SLC7A14: variants seen among roughly 807,000 people sequenced by gnomAD.
The protein encoded by SLC7A14 is solute carrier family 7 member 14.
In SLC7A14, 37 loss-of-function variants were observed where a neutral mutation model predicts 60.2. The ratio of observed to expected loss-of-function variants is 0.61; its 90% CI spans 0.47 to 0.81. The LOEUF (loss-of-function observed/expected upper bound fraction) is 0.81, where lower values mean the gene tolerates loss of function less well. Ranked by LOEUF, SLC7A14 falls within the 30% of genes least tolerant of loss-of-function variation. The pLI, the probability that SLC7A14 is intolerant of heterozygous loss-of-function variation, is 0.00. For missense variants in SLC7A14, 886 were observed against 982.7 expected (o/e 0.90, Z 1.32); for synonymous variants, 399 against 395.8 (o/e 1.01, Z -0.10).
chr3:170,513,342 T>C (rs542707131), intron 2 of SLC7A14, among the ~76,000 whole-genome samples: 27 of 152,374 alleles, frequency 1.8e-4, no homozygotes, highest in Middle Eastern at 3.4e-3. Flanking sequence ...AAACTCATTA[T>C]ATTGGTTATT....
At chr3:170,522,806 A>G (rs1031780794) in intron 2 of SLC7A14, among the ~76,000 whole-genome samples, 2 of 152,334 alleles carry the variant, frequency 1.3e-5, no homozygotes, top group Middle Eastern at 3.4e-3. Context: ...TTATAACTCA[A>G]TAAAACTGAA....
At chr3:170,563,230 T>G (rs1318329734) in intron 1 of SLC7A14, among the ~76,000 whole-genome samples, 1 of 152,012 alleles carries the variant, frequency 6.6e-6, no homozygotes, top group African/African-American at 2.4e-5. Context: ...TTAAAAAAAG[T>G]CAATACAATA....
chr3:170,563,098 T>C (rs895333156), intron 1 of SLC7A14, among the ~76,000 whole-genome samples: 1 of 152,166 alleles, frequency 6.6e-6, no homozygotes, highest in Non-Finnish European at 1.5e-5. Context: ...CTCCCTTTAA[T>C]GGTTAATGTG....
intron 1 of SLC7A14, among the ~76,000 whole-genome samples, chr3:170,547,637 G>T (rs946572672): frequency 1.3e-5 from 2 of 152,102 alleles, no homozygotes; most frequent in African/African-American, 4.8e-5. Flanking sequence ...GGAGGAGGAG[G>T]AAGAGGAGGG....
At chr3:170,528,529 T>C (rs1713577195) in intron 1 of SLC7A14, among the ~76,000 whole-genome samples, 1 of 152,212 alleles carries the variant, frequency 6.6e-6, no homozygotes, top group Non-Finnish European at 1.5e-5. Context: ...AAGCACTTAA[T>C]GTAGCACTTG....
intron 4 of SLC7A14, among the ~76,000 whole-genome samples, chr3:170,493,596 G>A (rs922117464): frequency 2.0e-5 from 3 of 152,172 alleles, no homozygotes; most frequent in African/African-American, 4.8e-5. Flanking sequence ...ATCTGTTGAC[G>A]AGGCAACACA....
At chr3:170,553,595 C>T (rs151270043) in intron 1 of SLC7A14, among the ~76,000 whole-genome samples, 69 of 152,278 alleles carry the variant, frequency 4.5e-4, no homozygotes, top group Middle Eastern at 3.4e-3. Context: ...TCAAATATCC[C>T]ATGTGAGATG....
At chr3:170,550,090 G>T (rs570920658) in intron 1 of SLC7A14, among the ~76,000 whole-genome samples, 104 of 152,302 alleles carry the variant, frequency 6.8e-4, no homozygotes, top group African/African-American at 2.0e-3. Context: ...TAAGTCAGTG[G>T]TCCTCAATTC....
At position 170,563,426 on chromosome 3, in the gene SLC7A14, T is replaced by A. The variant is rs573226455; in HGVS notation, c.-153+22485A>T. ...CACTGTTTGTTTGTTTGTTTTTTTT[T>A]TTTTTTTTTGAGATGGAGTCTTACT... On this transcript the variant is annotated intron_variant, in intron 1 of 7. Coordinates refer to ENST00000231706, the MANE Select transcript of SLC7A14 (RefSeq NM_020949.3). Among the ~76,000 whole-genome samples, 1,066 of 149,360 alleles carry A rather than the reference T, an allele frequency of 7.1e-3. 16 individuals carry two copies. Among genetic ancestry groups the A allele is most frequent in the African/African-American group, 0.025 (1,006 of 40,904 alleles).
chr3:170,477,598 A>G (rs148230643), intron 7 of SLC7A14, among the ~76,000 whole-genome samples: 1,833 of 152,366 alleles, frequency 0.012, 18 homozygotes, highest in Non-Finnish European at 0.021. Context: ...ATCATACGGT[A>G]TCTGTACTAG....
Position 170,492,414 on chromosome 3 carries a change from A to C in SLC7A14, c.760-6046T>G, listed in dbSNP as rs912271736. Among the ~76,000 whole-genome samples the C allele has an allele frequency of 3.9e-5, 6 of 152,146 alleles. No homozygotes were observed. In the East Asian group the frequency reaches 1.2e-3, roughly 29 times the overall value. Reference sequence around the variant, plus strand: ...CAGTTACTTGGGAGGCTGAGGTGGGAAGATTACTTGAGCCTGGGAGGTTGA... The same window carrying C: ...CAGTTACTTGGGAGGCTGAGGTGGGCAGATTACTTGAGCCTGGGAGGTTGA... On this transcript the variant is annotated intron_variant, in intron 4 of 7. Coordinates refer to ENST00000231706, the MANE Select transcript of SLC7A14 (RefSeq NM_020949.3).
At chr3:170,577,699 T>G (rs1715136863) in intron 1 of SLC7A14, among the ~76,000 whole-genome samples, 2 of 146,274 alleles carry the variant, frequency 1.4e-5, no homozygotes, top group Admixed American at 6.8e-5. Flanking sequence ...TTGGCCTTGG[T>G]GTTGATGGGA....
chr3:170,556,035 T>C (rs1195387700), intron 1 of SLC7A14, among the ~76,000 whole-genome samples: 2 of 152,244 alleles, frequency 1.3e-5, no homozygotes, highest in African/African-American at 4.8e-5. Flanking sequence ...CCCTACTAAA[T>C]GTGCAATCTG....
At chr3:170,483,032 G>A (rs1036012456) in intron 6 of SLC7A14, among the ~76,000 whole-genome samples, 4 of 151,976 alleles carry the variant, frequency 2.6e-5, no homozygotes, top group African/African-American at 9.7e-5. Flanking sequence ...CAGCAGTTTG[G>A]CCCCATCATC....
chr3:170,542,993 C>G (rs1714066510), intron 1 of SLC7A14, among the ~76,000 whole-genome samples: 1 of 152,000 alleles, frequency 6.6e-6, no homozygotes, highest in African/African-American at 2.4e-5. Context: ...GAGGTTTAAC[C>G]TGAAAAAGAA....
chr3:170,476,059 G>A (rs1711602486), intron 7 of SLC7A14, among the ~76,000 whole-genome samples: 1 of 152,140 alleles, frequency 6.6e-6, no homozygotes, highest in Admixed American at 6.5e-5. Context: ...TGATGCTGCT[G>A]GTCTGGGGTC....
intron 1 of SLC7A14, among the ~76,000 whole-genome samples, chr3:170,528,740 A>G (rs1433163134): frequency 6.6e-6 from 1 of 152,218 alleles, no homozygotes; most frequent in African/African-American, 2.4e-5. Flanking sequence ...TTAACAGGCT[A>G]GAGTGTCTGC....
intron 1 of SLC7A14, among the ~76,000 whole-genome samples, chr3:170,549,994 A>G (rs748928618): frequency 6.6e-6 from 1 of 152,234 alleles, no homozygotes; most frequent in Non-Finnish European, 1.5e-5. Flanking sequence ...TTTTATGTGC[A>G]GAGGGGAAAA....
chr3:170,508,158 G>A (rs1219763899), intron 2 of SLC7A14, among the ~76,000 whole-genome samples: 1 of 152,160 alleles, frequency 6.6e-6, no homozygotes, highest in Admixed American at 6.5e-5. Context: ...GGATTCAAAG[G>A]TGAACAGGAA....
Sources: allele counts gnomAD v4.1 joint callset (sites outside exome capture counted in the v4.1 genomes callset), GRCh38; gene constraint gnomAD v4.1.1; transcripts MANE v1.5; gene names NCBI Gene and HGNC (gene_info 2026-07-23, HGNC 2026-07-21).